Variants in PNPLA8 observed in about 807,000 individuals in gnomAD.
PNPLA8 encodes calcium-independent phospholipase A2-gamma.
PNPLA8 carries 39 observed loss-of-function variants against 76.9 expected under a neutral mutation model. The observed-to-expected ratio is 0.51, with a 90% CI of 0.39 to 0.66. The LOEUF (loss-of-function observed/expected upper bound fraction) is 0.66, where lower values mean the gene tolerates loss of function less well. PNPLA8 is among the 30% of genes least tolerant of loss of function. The pLI, the probability that PNPLA8 is intolerant of heterozygous loss-of-function variation, is 0.00. For synonymous variants in PNPLA8, 301 were observed against 307.9 expected (o/e 0.98, Z 0.24); for missense variants, 887 against 918.0 (o/e 0.97, Z 0.44).
intron 2 of PNPLA8, among the ~76,000 whole-genome samples, chr7:108,516,086 T>C (rs572430240): frequency 1.3e-5 from 2 of 152,358 alleles, no homozygotes; most frequent in East Asian, 1.9e-4. Flanking sequence ...GAGCTGCTGA[T>C]AGCCATGTGA....
intron 9 of PNPLA8, among the ~76,000 whole-genome samples, chr7:108,483,246 C>G (rs555893075): frequency 6.6e-6 from 1 of 152,308 alleles, no homozygotes; most frequent in South Asian, 2.1e-4. Context: ...AATAGCCAGT[C>G]TGAGGCTAAC....
chr7:108,516,944 G>C (rs1207731755), intron 2 of PNPLA8, among the ~76,000 whole-genome samples: 3 of 151,860 alleles, frequency 2.0e-5, no homozygotes, highest in African/African-American at 4.8e-5. Flanking sequence ...TCTGCTCTGT[G>C]AAGGTCAATG....
At chr7:108,501,040 G>A (rs1052774017) in intron 5 of PNPLA8, among the ~76,000 whole-genome samples, 2 of 152,132 alleles carry the variant, frequency 1.3e-5, no homozygotes, top group Non-Finnish European at 1.5e-5. Flanking sequence ...TAAAGGACTC[G>A]GGTGAATACA....
intron 10 of PNPLA8, among the ~76,000 whole-genome samples, chr7:108,473,994 T>C (rs1859803107): frequency 6.6e-6 from 1 of 152,012 alleles, no homozygotes; most frequent in Admixed American, 6.6e-5. Flanking sequence ...ACCCAGCCTA[T>C]TATTTTATAT....
chr7:108,503,524 A>G (rs927533490), intron 4 of PNPLA8, among the ~76,000 whole-genome samples: 1 of 152,194 alleles, frequency 6.6e-6, no homozygotes, highest in Non-Finnish European at 1.5e-5. Context: ...GTGGAGAATA[A>G]TGCAAATTTC....
intron 9 of PNPLA8, among the ~76,000 whole-genome samples, chr7:108,480,949 G>C (rs1183691537): frequency 1.3e-5 from 2 of 151,064 alleles, no homozygotes; most frequent in Admixed American, 6.6e-5. Flanking sequence ...CCACTACTAA[G>C]GAGGTCATAG....
At chr7:108,488,810 A>G (rs1417800030) in intron 8 of PNPLA8, among the ~76,000 whole-genome samples, 1 of 152,224 alleles carries the variant, frequency 6.6e-6, no homozygotes, top group Non-Finnish European at 1.5e-5. Flanking sequence ...TGTCAGTTAA[A>G]TTTACATGAA....
Position 108,478,245 on chromosome 7 carries a change from A to G in PNPLA8, c.2074+939T>C, listed in dbSNP as rs1860137354. 2.0e-5 allele frequency among the ~76,000 whole-genome samples: 3 copies of G among 152,274 alleles called. No individual in the cohort carries two copies. The South Asian group carries it at 6.2e-4, about 32-fold the overall frequency. ...TCTGGGGAAATAGCCTTATAGAGAG[A>G]GAGTACAGCAACTGCAGAGGCCCTG... On this transcript the variant is annotated intron_variant, in intron 10 of 10. Coordinates refer to ENST00000257694, the MANE Select transcript of PNPLA8 (RefSeq NM_001256007.3).
chr7:108,495,282 A>T (rs111678989), intron 7 of PNPLA8, among the ~76,000 whole-genome samples: 323 of 152,316 alleles, frequency 2.1e-3, no homozygotes, highest in African/African-American at 7.0e-3. Flanking sequence ...TTTGAACTGC[A>T]AGAGTATCTG....
chr7:108,503,695 G>A (rs1280614349), intron 4 of PNPLA8, among the ~76,000 whole-genome samples: 3 of 152,308 alleles, frequency 2.0e-5, no homozygotes, highest in East Asian at 3.9e-4. Flanking sequence ...TGGAGAAGGA[G>A]TAATTGCTAG....
intron 5 of PNPLA8, among the ~76,000 whole-genome samples, chr7:108,501,341 G>A (rs551812133): frequency 6.6e-6 from 1 of 152,212 alleles, no homozygotes; most frequent in African/African-American, 2.4e-5. Flanking sequence ...TGGATTGCCA[G>A]TAGTAAAAAT....
Position 108,515,090 on chromosome 7 carries a change from T to A in PNPLA8, c.402A>T (p.Gln134His). ...CACTATCCGATACTTTTCTTAAAAT[T>A]TGGGAACTTGGCTTAAATTGAGCTA... is the stretch of plus-strand genomic sequence containing the variant. ...SRLAQFKPSS[Q>H]ILRKVSDSGW... Residue 134 changes from glutamine to histidine, a missense_variant, in exon 3 of 11, where the codon CAA (glutamine) becomes CAT (histidine). Transcript: ENST00000257694. 6.2e-7 allele frequency: 1 copy of A among 1,604,882 alleles called. No homozygotes were observed. The highest frequency in any genetic ancestry group is 8.5e-7 in the Non-Finnish European group (1 of 1,177,992).
At chr7:108,481,983 T>C (rs528762065) in intron 9 of PNPLA8, among the ~76,000 whole-genome samples, 14 of 152,322 alleles carry the variant, frequency 9.2e-5, no homozygotes, top group Admixed American at 3.9e-4. Flanking sequence ...CTCCACTGAA[T>C]TGCTTTTGTA....
intron 9 of PNPLA8, 39 bp downstream of exon 9, chr7:108,487,720 T>C (rs569992551): frequency 6.1e-6 from 8 of 1,306,406 alleles, no homozygotes; most frequent in African/African-American, 3.0e-5. Context: ...CTTTTAATCA[T>C]GTAAAATTTA....
chr7:108,474,203 C>A (rs1399430676), intron 10 of PNPLA8, among the ~76,000 whole-genome samples: 1 of 152,036 alleles, frequency 6.6e-6, no homozygotes, highest in Non-Finnish European at 1.5e-5. Flanking sequence ...CTTTCTGATT[C>A]ATATTTTCTA....
chr7:108,526,164 A>G, upstream of PNPLA8: 2 of 851,630 alleles, frequency 2.3e-6, no homozygotes, highest in Non-Finnish European at 2.8e-6. Context: ...CCACCCACTC[A>G]GCCCCGCCCC....
intron 8 of PNPLA8, among the ~76,000 whole-genome samples, chr7:108,490,440 T>A (rs900840500): frequency 2.8e-4 from 42 of 152,350 alleles, no homozygotes; most frequent in Non-Finnish European, 5.1e-4. Context: ...CATTAAGTGA[T>A]GCATGATTGT....
intron 2 of PNPLA8, among the ~76,000 whole-genome samples, chr7:108,519,832 A>G (rs1488312222): frequency 6.6e-6 from 1 of 152,152 alleles, no homozygotes; most frequent in Admixed American, 6.5e-5. Flanking sequence ...AAGGGAAAAC[A>G]ATTTTATTAT....
chr7:108,476,964 T>G (rs911417856), intron 10 of PNPLA8, among the ~76,000 whole-genome samples: 1 of 152,046 alleles, frequency 6.6e-6, no homozygotes, highest in Non-Finnish European at 1.5e-5. Flanking sequence ...AGGAGAATGG[T>G]GGTTGCCAGA....
Sources: gnomAD v4.1 joint callset for allele counts (sites outside exome capture counted in the v4.1 genomes callset) on GRCh38, gnomAD v4.1.1 for gene constraint, MANE v1.5 for transcripts, NCBI Gene and HGNC (gene_info 2026-07-23, HGNC 2026-07-21) for gene names.